Variants in KDM4C observed in about 807,000 individuals in gnomAD.
The protein encoded by KDM4C is lysine demethylase 4C.
In KDM4C, 81 loss-of-function variants were observed where a neutral mutation model predicts 129.3. The observed-to-expected ratio is 0.63, with a 90% CI of 0.52 to 0.75. KDM4C has a LOEUF of 0.75. Ranked by LOEUF, KDM4C falls within the 30% of genes least tolerant of loss-of-function variation. The pLI is 0.00. For synonymous variants in KDM4C, 573 were observed against 456.1 expected, an observed-to-expected ratio of 1.26 and a Z score of -3.26; for missense variants, 1,457 against 1,304.0, an observed-to-expected ratio of 1.12 and a Z score of -1.81.
chr9:6,895,194 T>C (rs554004407), intron 8 of KDM4C, among the ~76,000 whole-genome samples: 9 of 152,338 alleles, frequency 5.9e-5, no homozygotes, highest in African/African-American at 2.2e-4. Flanking sequence ...TTTAGAACAA[T>C]AGCCATTTAT....
At chr9:7,019,848 A>G (rs964560917) in intron 15 of KDM4C, among the ~76,000 whole-genome samples, 2 of 150,504 alleles carry the variant, frequency 1.3e-5, no homozygotes, top group African/African-American at 4.9e-5. Flanking sequence ...AAATAAATTC[A>G]TACTAAAATG....
intron 15 of KDM4C, among the ~76,000 whole-genome samples, chr9:7,040,865 T>A (rs1383042807): frequency 1.3e-5 from 2 of 152,002 alleles, no homozygotes; most frequent in Non-Finnish European, 2.9e-5. Flanking sequence ...AGGTATGTTT[T>A]ATTTATATTT....
At chr9:6,826,533 C>G (rs568031065) in intron 4 of KDM4C, among the ~76,000 whole-genome samples, 1 of 152,180 alleles carries the variant, frequency 6.6e-6, no homozygotes, top group Admixed American at 6.5e-5. Flanking sequence ...TGAATGCTTT[C>G]CCATGATGAT....
chr9:7,076,889 G>A (rs1395503453), intron 17 of KDM4C: 8 of 991,390 alleles, frequency 8.1e-6, no homozygotes, highest in Non-Finnish European at 9.6e-6. Context: ...GCATCCTGAG[G>A]TTGTCTCCTG....
chr9:6,734,966 ATCAACTCCAACCACAC>A, intron 1 of KDM4C: 1 of 571,306 alleles, frequency 1.8e-6, no homozygotes, highest in East Asian at 4.6e-5. Flanking sequence ...TGTCTAACAC[ATCAACTCCAACCACAC>A]TCAAGTTGAT....
chr9:6,805,046 G>T (rs888602574), intron 2 of KDM4C, among the ~76,000 whole-genome samples: 9 of 151,954 alleles, frequency 5.9e-5, no homozygotes, highest in African/African-American at 2.2e-4. Context: ...GACTACAGGT[G>T]CGTGCCACCA....
At chr9:7,048,035 G>T (rs754265292) in intron 16 of KDM4C, among the ~76,000 whole-genome samples, 1 of 152,000 alleles carries the variant, frequency 6.6e-6, no homozygotes, top group African/African-American at 2.4e-5. Context: ...GAACTGTAGG[G>T]TTTGCTTAAT....
At chr9:6,756,212 A>G (rs1202650343), upstream of KDM4C, among the ~76,000 whole-genome samples, 1 of 152,208 alleles carries the variant, frequency 6.6e-6, no homozygotes, top group African/African-American at 2.4e-5. Context: ...TGAGGTATTA[A>G]TAGTACCTAT....
intron 15 of KDM4C, among the ~76,000 whole-genome samples, chr9:7,041,464 T>C (rs142969749): frequency 2.0e-5 from 3 of 152,034 alleles, no homozygotes; most frequent in Non-Finnish European, 4.4e-5. Flanking sequence ...ATTAAACTTT[T>C]ACTCTGCCAA....
chr9:7,016,304 T>A (rs1823666536), intron 15 of KDM4C, among the ~76,000 whole-genome samples: 1 of 151,988 alleles, frequency 6.6e-6, no homozygotes, highest in Non-Finnish European at 1.5e-5. Context: ...ATTTTTTGTA[T>A]TTTTAGTAGA....
intron 8 of KDM4C, among the ~76,000 whole-genome samples, chr9:6,937,816 A>G (rs931386682): frequency 3.3e-5 from 5 of 151,946 alleles, no homozygotes; most frequent in African/African-American, 7.3e-5. Context: ...GGTTCAAGCA[A>G]TTTTCCTGCC....
intron 8 of KDM4C, among the ~76,000 whole-genome samples, chr9:6,957,644 A>T (rs17511776): frequency 0.24 from 35,920 of 151,946 alleles, 5,154 homozygotes; most frequent in South Asian, 0.43. Flanking sequence ...GATATTTTCT[A>T]TTGGTTGCAC....
intron 19 of KDM4C, among the ~76,000 whole-genome samples, chr9:7,130,853 G>C (rs1466997019): frequency 1.3e-5 from 2 of 151,992 alleles, no homozygotes; most frequent in Non-Finnish European, 2.9e-5. Context: ...TGTGCTCCTG[G>C]GCTCCGGTGA....
Position 7,169,788 on chromosome 9 carries a change from C to T in KDM4C, c.2902-10C>T, listed in dbSNP as rs1422662567. On this transcript the variant is annotated splice_polypyrimidine_tract_variant and intron_variant, in intron 20 of 21. Transcript: ENST00000381309. ...TTTAATATGTATCATGTTATATTAT[C>T]TTTCATTAGGTTGAGTTTGAAGATG... 1 of 1,592,684 alleles carries T rather than the reference C, an allele frequency of 6.3e-7. No individual in the cohort carries two copies. Among genetic ancestry groups the T allele is most frequent in the Non-Finnish European group, 8.6e-7 (1 of 1,163,718 alleles).
chr9:7,100,748 C>T (rs1053676635), intron 17 of KDM4C, among the ~76,000 whole-genome samples: 1 of 151,946 alleles, frequency 6.6e-6, no homozygotes, highest in African/African-American at 2.4e-5. Context: ...ATGGATTCTT[C>T]CTTTTTTTCT....
rs567663161 is a variant in KDM4C at position 6,747,481 on chromosome 9, G to A, written c.49+26484G>A. 4.2e-5 allele frequency among the ~76,000 whole-genome samples: 6 copies of A among 143,370 alleles called. No individual in the cohort carries two copies. In the East Asian group the frequency reaches 1.3e-3, roughly 30 times the overall value. The allele number at this position is 143,370 out of a possible 152,430, so 94.1% of individuals were successfully genotyped here. A position where few individuals can be genotyped will look rare whatever the true frequency, so the allele number is the denominator to read the frequency against. On this transcript the variant is annotated intron_variant, in intron 1 of 17. Coordinates refer to the KDM4C transcript ENST00000536108. The stretch of plus-strand genomic sequence containing the variant: ...GAGAATAGTGTGAACTCAGGAGGCA[G>A]AGATTGCAGTGAGCCGAGATCGCGC...
chr9:6,802,797 G>T (rs897367016), intron 2 of KDM4C, among the ~76,000 whole-genome samples: 3 of 152,154 alleles, frequency 2.0e-5, no homozygotes, highest in African/African-American at 7.2e-5. Context: ...AGTAGAGATG[G>T]GGTTTCACCA....
intron 8 of KDM4C, among the ~76,000 whole-genome samples, chr9:6,936,299 A>T (rs573695934): frequency 1.3e-5 from 2 of 152,348 alleles, no homozygotes; most frequent in East Asian, 3.9e-4. Context: ...GCAGAACTGC[A>T]TGTCTATTTT....
intron 8 of KDM4C, among the ~76,000 whole-genome samples, chr9:6,899,667 G>A (rs954586906): frequency 1.3e-5 from 2 of 152,132 alleles, no homozygotes; most frequent in African/African-American, 2.4e-5. Flanking sequence ...GTCACATTAT[G>A]TCCTCTTTTT....
Sources: allele counts gnomAD v4.1 joint callset (sites outside exome capture counted in the v4.1 genomes callset), GRCh38; gene constraint gnomAD v4.1.1; transcripts MANE v1.5; gene names NCBI Gene and HGNC (gene_info 2026-07-23, HGNC 2026-07-21).